PCDH11Y: variants seen among roughly 807,000 people sequenced by gnomAD.
PCDH11Y encodes protocadherin-11 Y-linked.
For missense variants in PCDH11Y, 12 were observed against 224.8 expected (o/e 0.05, Z 6.05); for synonymous variants, 9 against 83.6 (o/e 0.11, Z 4.87).
intron 2 of PCDH11Y, among the ~76,000 whole-genome samples, chrY:5,116,894 C>T: frequency 6.2e-5 from 2 of 32,353 alleles, no homozygotes; most frequent in Admixed American, 5.7e-4. Context: ...AGAGACAACT[C>T]AGAAAATAGA....
intron 1 of PCDH11Y, among the ~76,000 whole-genome samples, chrY:5,026,150 T>C: frequency 3.0e-5 from 1 of 33,186 alleles, no homozygotes; most frequent in Admixed American, 2.8e-4. Flanking sequence ...TAGATGTTTA[T>C]GTAATTTAAG....
chrY:5,687,510 A>T, intron 4 of PCDH11Y, among the ~76,000 whole-genome samples: 1 of 30,503 alleles, frequency 3.3e-5, no homozygotes, highest in Admixed American at 2.9e-4. Flanking sequence ...AGGCTGAGGC[A>T]GGAGAACGGC....
intron 2 of PCDH11Y, among the ~76,000 whole-genome samples, chrY:5,312,544 T>A (rs770481530): frequency 3.7e-5 from 1 of 26,790 alleles, no homozygotes; most frequent in African/African-American, 1.4e-4. Context: ...ATATATAAGA[T>A]ATATATATAA....
At chrY:5,261,407 G>A (rs746635683) in intron 2 of PCDH11Y, among the ~76,000 whole-genome samples, 3,543 of 32,458 alleles carry the variant, frequency 0.11, no homozygotes, top group Non-Finnish European at 0.18. Context: ...ATAGTGATAA[G>A]GACAATAAAG....
rs2563460 is a variant in PCDH11Y at position 5,123,358 on chromosome Y, G to A, written c.3129+22651G>A. On this transcript the variant is annotated intron_variant, in intron 2 of 4. Coordinates refer to the PCDH11Y transcript ENST00000400457. ...CCAGTTACCTCAACTAACCTGCCCA[G>A]CTACCTGGTAGGCAAGTAATGTTGT... 8.9e-5 allele frequency among the ~76,000 whole-genome samples: 3 copies of A among 33,550 alleles called. No homozygotes were observed. The South Asian group carries it at 2.0e-3, about 22-fold the overall frequency. 90.0% of individuals were successfully genotyped at this position (33,550 alleles called of 37,273 possible). A position where few individuals can be genotyped will look rare whatever the true frequency, so the allele number is the denominator to read the frequency against.
intron 4 of PCDH11Y, among the ~76,000 whole-genome samples, chrY:5,727,959 C>T: frequency 3.1e-5 from 1 of 32,517 alleles, no homozygotes; most frequent in Admixed American, 2.8e-4. Flanking sequence ...TGGCGATCAC[C>T]GGTATGTTTT....
At chrY:5,398,864 C>A (rs2053229713) in intron 2 of PCDH11Y, among the ~76,000 whole-genome samples, 1 of 33,889 alleles carries the variant, frequency 3.0e-5, no homozygotes. Flanking sequence ...AGGATGAGAA[C>A]CATTTTTGCT....
intron 2 of PCDH11Y, among the ~76,000 whole-genome samples, chrY:5,211,083 G>T: frequency 3.3e-5 from 1 of 30,379 alleles, no homozygotes; most frequent in Non-Finnish European, 7.8e-5. Context: ...AAGGTTAAAG[G>T]CCCAACAGAA....
chrY:5,676,637 G>T (rs2053553867), intron 4 of PCDH11Y, among the ~76,000 whole-genome samples: 1 of 31,494 alleles, frequency 3.2e-5, no homozygotes, highest in African/African-American at 1.3e-4. Flanking sequence ...CTAGAGCAGG[G>T]GCAAAATCCC....
intron 2 of PCDH11Y, among the ~76,000 whole-genome samples, chrY:5,244,662 G>T (rs2052993612): frequency 2.1e-4 from 7 of 33,992 alleles, no homozygotes; most frequent in Non-Finnish European, 3.7e-4. Flanking sequence ...TGCCACCAGG[G>T]CCTAAGGCCC....
At chrY:5,384,185 G>C (rs2124674684) in intron 2 of PCDH11Y, among the ~76,000 whole-genome samples, 1 of 32,557 alleles carries the variant, frequency 3.1e-5, no homozygotes, top group African/African-American at 1.2e-4. Flanking sequence ...ATAAAGTTTG[G>C]AAGTCCTAGT....
At chrY:5,194,621 C>T in intron 2 of PCDH11Y, among the ~76,000 whole-genome samples, 4 of 31,404 alleles carry the variant, frequency 1.3e-4, no homozygotes, top group Non-Finnish European at 3.0e-4. Context: ...ATAATGTGTC[C>T]GGAATTGGTT....
At chrY:5,458,733 CATA>C (rs2053300455) in intron 2 of PCDH11Y, among the ~76,000 whole-genome samples, 1 of 33,071 alleles carries the variant, frequency 3.0e-5, no homozygotes, top group Non-Finnish European at 7.6e-5. Context: ...TGTTGTTGAT[CATA>C]ATAACTTTTA....
chrY:5,657,181 T>C (rs1569349812), intron 4 of PCDH11Y, among the ~76,000 whole-genome samples: 12 of 34,997 alleles, frequency 3.4e-4, no homozygotes, highest in Admixed American at 2.6e-4. Flanking sequence ...TTGAATTCTG[T>C]TTTACCGATT....
intron 4 of PCDH11Y, among the ~76,000 whole-genome samples, chrY:5,682,745 A>AT (rs2053559802): frequency 3.1e-5 from 1 of 32,598 alleles, no homozygotes; most frequent in African/African-American, 1.2e-4. Context: ...GTGACATCAC[A>AT]TATTTAAAGT....
chrY:5,569,643 CATG>C, intron 3 of PCDH11Y, among the ~76,000 whole-genome samples: 1 of 33,201 alleles, frequency 3.0e-5, no homozygotes, highest in South Asian at 6.6e-4. Flanking sequence ...CATCATGGGA[CATG>C]ATATTTCATC....
intron 1 of PCDH11Y, among the ~76,000 whole-genome samples, chrY:5,000,838 G>A (rs2052529403): frequency 3.0e-5 from 1 of 32,936 alleles, no homozygotes; most frequent in Non-Finnish European, 7.5e-5. Context: ...TACCACCGCT[G>A]CGCTTCGTTA....
intron 2 of PCDH11Y, among the ~76,000 whole-genome samples, chrY:5,214,882 A>G: frequency 6.5e-5 from 2 of 30,977 alleles, no homozygotes; most frequent in African/African-American, 2.5e-4. Context: ...GGGACTTTCC[A>G]TATCTTTGCA....
chrY:5,198,572 C>T (rs2052923600), intron 2 of PCDH11Y, among the ~76,000 whole-genome samples: 2 of 32,711 alleles, frequency 6.1e-5, no homozygotes, highest in Non-Finnish European at 7.5e-5. Flanking sequence ...TTCTGTTTTA[C>T]GGTAGGAGAA....
Sources: allele counts gnomAD v4.1 joint callset (sites outside exome capture counted in the v4.1 genomes callset), GRCh38; gene constraint gnomAD v4.1.1; transcripts MANE v1.5; gene names NCBI Gene and HGNC (gene_info 2026-07-23, HGNC 2026-07-21).